Variants in MTOR observed in about 807,000 individuals in gnomAD.
The protein encoded by MTOR is serine/threonine-protein kinase mTOR.
MTOR carries 70 observed loss-of-function variants against 319.8 expected under a neutral mutation model. That is an observed-to-expected ratio of 0.22 (90% CI 0.18 to 0.27). MTOR has a LOEUF of 0.27. MTOR is among the 10% of genes least tolerant of loss of function. The pLI is 1.00. For synonymous variants in MTOR, 1,183 were observed against 1,211.4 expected (o/e 0.98, Z 0.49); for missense variants, 1,890 against 3,274.4 (o/e 0.58, Z 10.32).
chr1:11,148,799 T>C (rs775350745), intron 31 of MTOR, among the ~76,000 whole-genome samples: 20 of 151,820 alleles, frequency 1.3e-4, no homozygotes, highest in Non-Finnish European at 2.4e-4. Flanking sequence ...CTCGGAGGGC[T>C]GAGGCAGAGA....
rs934321430 is a variant in MTOR, at chr1:11,109,197, C to T, written c.7528+93G>A. 5 of 1,137,820 alleles carry T rather than the reference C, an allele frequency of 4.4e-6. No homozygotes were observed. In the African/African-American group the frequency reaches 7.8e-5, roughly 18 times the overall value. The allele number at this position is 1,137,820 out of a possible 1,614,324, so 70.5% of individuals were successfully genotyped here. On this transcript the variant is annotated intron_variant, in intron 56 of 57. Transcript: ENST00000361445. The surrounding 1 kb of genome is among the most constrained non-coding windows in gnomAD (Gnocchi z 4.0). ...AGCTGCATGGTGCCAAAGCTCGTCA[C>T]TAACACCACTGGACATGGGGCTGAC...
chr1:11,111,353 C>T (rs1641859711), intron 54 of MTOR, among the ~76,000 whole-genome samples: 1 of 151,818 alleles, frequency 6.6e-6, no homozygotes, highest in African/African-American at 2.4e-5. Flanking sequence ...TGGTGGCATG[C>T]GTCTGTAATC....
intron 28 of MTOR, among the ~76,000 whole-genome samples, chr1:11,182,511 T>C (rs1444985028): frequency 8.5e-5 from 13 of 152,216 alleles, no homozygotes; most frequent in African/African-American, 3.1e-4. Context: ...CAAGTATACA[T>C]AAATATAGGA....
Position 11,133,151 on chromosome 1 carries a change from T to G in MTOR, c.5293A>C (p.Asn1765His). The G allele has an allele frequency of 1.2e-6, 2 of 1,614,172 alleles. No homozygotes were observed. Among genetic ancestry groups the G allele is most frequent in the Non-Finnish European group, 8.5e-7 (1 of 1,180,026 alleles). Residue 1765 changes from asparagine to histidine, a missense_variant, in exon 38 of 58, where the codon AAT becomes CAT. This residue lies in a region of MTOR where 276 missense variants were observed against 459.4 expected (regional missense o/e 0.60). Transcript: ENST00000361445. This position sits in a 1 kb window ranked among gnomAD's most constrained non-coding sequence, Gnocchi z 4.0. Reference sequence around the variant, plus strand: ...AGCACTTTGGGGATTGTGCTCTCATTGATGCCCTGTAGATTCAGCTGCCAC... The same window carrying G: ...AGCACTTTGGGGATTGTGCTCTCATGGATGCCCTGTAGATTCAGCTGCCAC... ...GEWQLNLQGI[N>H]ESTIPKVLQY...
At chr1:11,224,038 C>CAAAATACAAT (rs747716795) in intron 19 of MTOR, among the ~76,000 whole-genome samples, 4 of 143,292 alleles carry the variant, frequency 2.8e-5, no homozygotes, top group African/African-American at 1.1e-4. Context: ...TACTCCGTCT[C>CAAAATACAAT]AAAATAAAAT....
Position 11,128,787 on chromosome 1 carries a change from T to G in MTOR, c.5811+68A>C, listed in dbSNP as rs1570944043. ...CTGCCTTGTGACACTGAACACAGCA[T>G]GCTTGTAAGAGGAGACACACAGAAG... On this transcript the variant is annotated intron_variant, in intron 41 of 57. Coordinates refer to ENST00000361445, the MANE Select transcript of MTOR (RefSeq NM_004958.4). The surrounding 1 kb of genome is among the most constrained non-coding windows in gnomAD (Gnocchi z 5.3). 7.4e-7 allele frequency: 1 copy of G among 1,348,682 alleles called. No homozygotes were observed. The highest frequency in any genetic ancestry group is 2.3e-5 in the East Asian group (1 of 43,292). The allele number at this position is 1,348,682 out of a possible 1,614,324, so 83.5% of individuals were successfully genotyped here. A position where few individuals can be genotyped will look rare whatever the true frequency, so the allele number is the denominator to read the frequency against.
intron 26 of MTOR, among the ~76,000 whole-genome samples, chr1:11,200,616 A>G (rs772336423): frequency 1.3e-4 from 20 of 152,216 alleles, no homozygotes; most frequent in Non-Finnish European, 2.4e-4. Context: ...TCTGTTACAT[A>G]TTAACAGGTT....
chr1:11,194,884 C>A, intron 28 of MTOR: 2 of 1,614,162 alleles, frequency 1.2e-6, no homozygotes, highest in Non-Finnish European at 1.7e-6. Context: ...TGCACAGACT[C>A]CAACCTCAAT....
At chr1:11,219,221 A>C (rs1296646489) in intron 19 of MTOR, among the ~76,000 whole-genome samples, 2 of 152,108 alleles carry the variant, frequency 1.3e-5, no homozygotes, top group Non-Finnish European at 2.9e-5. Flanking sequence ...TTCAAAAAAA[A>C]AAAAAGAACT....
intron 46 of MTOR, among the ~76,000 whole-genome samples, chr1:11,125,229 C>T (rs1242797944): frequency 3.3e-5 from 5 of 152,100 alleles, no homozygotes; most frequent in Admixed American, 6.6e-5. Flanking sequence ...TGTTCATGAG[C>T]GCTCCTTGTT....
At chr1:11,132,902 A>C in intron 38 of MTOR, 178 bp downstream of exon 38, 1 of 615,548 alleles carries the variant, frequency 1.6e-6, no homozygotes, top group Admixed American at 2.7e-5. Context: ...TGTATTAATT[A>C]AACTTGTAGG....
intron 38 of MTOR, chr1:11,131,024 GGA>G: frequency 1.7e-6 from 1 of 576,354 alleles, no homozygotes; most frequent in Non-Finnish European, 3.0e-6. Flanking sequence ...AAGAGGAGCA[GGA>G]GAGAGCTCTT....
intron 47 of MTOR, among the ~76,000 whole-genome samples, chr1:11,122,622 G>A (rs956792189): frequency 6.9e-6 from 1 of 145,658 alleles, no homozygotes; most frequent in African/African-American, 2.6e-5. Context: ...ATTCTCCTGC[G>A]TCAGCCTCCC....
At chr1:11,238,320 A>C in intron 12 of MTOR, 82 bp downstream of exon 12, 1 of 1,386,864 alleles carries the variant, frequency 7.2e-7, no homozygotes, top group Non-Finnish European at 1.0e-6. Flanking sequence ...AACTCTAGAG[A>C]GGCCATGTAA....
chr1:11,247,944 C>T lies in MTOR; in HGVS notation c.991G>A (p.Val331Met). The change falls in exon 7 of 58, where the codon GTG (valine) becomes ATG (methionine). Residue 331 changes from valine (V) to methionine (M), a missense_variant. Val to Met is a conservative substitution (Grantham distance 21, BLOSUM62 1). Around this residue, in one of 15 missense-constraint regions of MTOR, gnomAD observed 418 missense variants for 543.1 expected, o/e 0.77. Coordinates refer to ENST00000361445, the MANE Select transcript of MTOR (RefSeq NM_004958.4). ...TGAGAGCTGTACCCCAGCAGCCCCA[C>T]CAAGGCATTTGACTGCTGGGGCTGT... The part of the protein sequence containing the change: ...AVQPQQSNAL[V>M]GLLGYSSHQG... 6.2e-7 allele frequency: 1 copy of T among 1,614,154 alleles called. No individual in the cohort carries two copies. The highest frequency in any genetic ancestry group is 8.5e-7 in the Non-Finnish European group (1 of 1,180,034).
At chr1:11,111,483 G>GAA (rs34258245) in intron 54 of MTOR, 1,756 of 137,210 alleles carry the variant, frequency 0.013, 13 homozygotes, top group Non-Finnish European at 0.018. Flanking sequence ...TCTGTCTCAA[G>GAA]AAAAAAAAAA....
Position 11,228,802 on chromosome 1 carries a change from G to A in MTOR, c.2896C>T (p.His966Tyr), listed in dbSNP as rs1221440075. Reference protein sequence around the residue: ...MRIFRDQSLSHHHTMVVQAIT... With the variant: ...MRIFRDQSLSYHHTMVVQAIT... The stretch of plus-strand genomic sequence containing the variant: ...GCCTGGACAACCATGGTGTGATGAT[G>A]AGAGAGTGACTGGTCTCGGAAGATC... The change falls in exon 19 of 58, where the codon CAT becomes TAT. Residue 966 changes from histidine (H) to tyrosine (Y), a missense_variant. His to Tyr is a moderately conservative substitution (Grantham distance 83). Coordinates refer to ENST00000361445, the MANE Select transcript of MTOR (RefSeq NM_004958.4). 3.1e-6 allele frequency: 5 copies of A among 1,614,140 alleles called. No individual in the cohort carries two copies. Among genetic ancestry groups the A allele is most frequent in the Non-Finnish European group, 4.2e-6 (5 of 1,180,020 alleles).
At chr1:11,258,680 T>A in intron 2 of MTOR, 87 bp from the exon 3 acceptor site, 1 of 954,982 alleles carries the variant, frequency 1.0e-6, no homozygotes, top group Non-Finnish European at 1.6e-6. Flanking sequence ...GATTAGATCC[T>A]GAGAGGCAGG....
chr1:11,189,325 A>G, intron 28 of MTOR: 1 of 407,490 alleles, frequency 2.5e-6, no homozygotes. Flanking sequence ...GCAGCAAACA[A>G]TATTTAAGAT....
Sources: gnomAD v4.1 joint callset for allele counts (sites outside exome capture counted in the v4.1 genomes callset) on GRCh38, gnomAD v4.1.1 for gene constraint, gnomAD v4.1.1 regional missense constraint, Gnocchi (gnomAD v3.1) non-coding constraint, MANE v1.5 for transcripts, NCBI Gene and HGNC (gene_info 2026-07-23, HGNC 2026-07-21) for gene names.